DNAH7: variants seen among roughly 807,000 people sequenced by gnomAD.
DNAH7 encodes the protein axonemal beta dynein heavy chain 7.
DNAH7 carries 397 observed loss-of-function variants against 444.6 expected under a neutral mutation model. The observed-to-expected ratio is 0.89, with a 90% CI of 0.82 to 0.97. DNAH7 has a LOEUF of 0.97. DNAH7 is among the 50% of genes least tolerant of loss of function. The pLI is 0.00. For missense variants in DNAH7, 4,902 were observed against 4,800.8 expected (o/e 1.02, Z -0.62); for synonymous variants, 1,636 against 1,624.4 (o/e 1.01, Z -0.17).
At chr2:195,922,222 G>T (rs1688068046) in intron 23 of DNAH7, 25 bp from the exon 24 acceptor site, 1 of 1,346,554 alleles carries the variant, frequency 7.4e-7, no homozygotes, top group Admixed American at 1.7e-5. Context: ...ATAAAATGAA[G>T]TTAAACAATA....
chr2:195,855,828 C>T lies in DNAH7; in HGVS notation c.8578G>A (p.Ala2860Thr). The change falls in exon 45 of 65, where the codon GCT (alanine) becomes ACT (threonine). Residue 2860 changes from alanine to threonine, a missense_variant. Coordinates refer to ENST00000312428, the MANE Select transcript of DNAH7 (RefSeq NM_018897.3). ...GCACACACCTGGTTTTCCAGGTCAG[C>T]CTTCTTTTGTTTATTTAATTCAAGT... is the stretch of plus-strand genomic sequence containing the variant. The part of the protein sequence containing the change: ...DTLELNKQKK[A>T]DLENQVDLCS... 1 of 1,613,294 alleles carries T rather than the reference C, an allele frequency of 6.2e-7. No homozygotes were observed. Among genetic ancestry groups the T allele is most frequent in the Non-Finnish European group, 8.5e-7 (1 of 1,179,670 alleles).
At chr2:195,831,106 GTT>G (rs141782175) in intron 48 of DNAH7, among the ~76,000 whole-genome samples, 2 of 148,156 alleles carry the variant, frequency 1.3e-5, no homozygotes, top group African/African-American at 5.0e-5. Context: ...TTGATACAAA[GTT>G]TTTTTTTTAT....
intron 46 of DNAH7, among the ~76,000 whole-genome samples, chr2:195,846,659 C>T (rs1293672593): frequency 6.6e-6 from 1 of 152,142 alleles, no homozygotes; most frequent in African/African-American, 2.4e-5. Flanking sequence ...ACATTTGAGT[C>T]AGTCAGCTGG....
intron 7 of DNAH7, 75 bp downstream of exon 7, chr2:196,026,685 G>T: frequency 2.0e-6 from 2 of 998,012 alleles, no homozygotes; most frequent in East Asian, 2.6e-5. Flanking sequence ...TTCAAGTATA[G>T]GTATTATTAA....
At chr2:195,781,618 A>C (rs1695379869) in intron 58 of DNAH7, among the ~76,000 whole-genome samples, 1 of 152,182 alleles carries the variant, frequency 6.6e-6, no homozygotes, top group South Asian at 2.1e-4. Flanking sequence ...CTTGAAGTCA[A>C]CAACTAGTAT....
intron 6 of DNAH7, 132 bp downstream of exon 6, chr2:196,027,828 A>G (rs1400167070): frequency 1.4e-6 from 1 of 696,852 alleles, no homozygotes; most frequent in Non-Finnish European, 2.2e-6. Flanking sequence ...GCCTTTTTAT[A>G]GAACTCTGTA....
intron 40 of DNAH7, among the ~76,000 whole-genome samples, chr2:195,867,893 AT>A (rs1269877520): frequency 1.3e-5 from 2 of 152,132 alleles, no homozygotes; most frequent in Non-Finnish European, 2.9e-5. Context: ...AATAATATTC[AT>A]GTACAAGTTT....
rs67782183 is a variant in DNAH7, at chr2:195,950,851, C to CAAAAAAAAAAAAAAAA, written c.3078+6394_3078+6409dup. Reference sequence around the variant, plus strand: ...TAGGCAACAGAGTGGGACTCTGTCTCAAAAAAAAAAAAAAAAAAAAAAAAA... The same window carrying CAAAAAAAAAAAAAAAA: ...TAGGCAACAGAGTGGGACTCTGTCTCAAAAAAAAAAAAAAAAAAAAAAAAAAAAAAAAAAAAAAAAA... On this transcript the variant is annotated intron_variant, in intron 19 of 64. Transcript: ENST00000312428. Among the ~76,000 whole-genome samples the CAAAAAAAAAAAAAAAA allele has an allele frequency of 4.6e-4, 17 of 36,716 alleles. 2 individuals are homozygous for CAAAAAAAAAAAAAAAA. The highest frequency in any genetic ancestry group is 2.8e-3 in the East Asian group (2 of 710). 24.1% of individuals were successfully genotyped at this position (36,716 alleles called of 152,430 possible).
At chr2:195,907,954 T>C (rs1249601632) in intron 25 of DNAH7, among the ~76,000 whole-genome samples, 1 of 152,080 alleles carries the variant, frequency 6.6e-6, no homozygotes, top group Non-Finnish European at 1.5e-5. Flanking sequence ...CAAGCAGTTA[T>C]ATACATTTTG....
chr2:195,883,283 T>G (rs965532693), intron 35 of DNAH7, among the ~76,000 whole-genome samples: 10 of 152,098 alleles, frequency 6.6e-5, no homozygotes, highest in African/African-American at 2.4e-4. Flanking sequence ...CCGTCTCTAC[T>G]AAAAATACAA....
chr2:195,846,851 T>C (rs1345022171), intron 46 of DNAH7, among the ~76,000 whole-genome samples: 1 of 152,066 alleles, frequency 6.6e-6, no homozygotes, highest in African/African-American at 2.4e-5. Context: ...TCTTCAGCTT[T>C]GGAACTCAGA....
In DNAH7 at chr2:195,995,671, G is replaced by A. The variant is rs1326682669; in HGVS notation, c.1353+5033C>T. ...AAGGCGGGCACCAGTGGGGGACTAG[G>A]GAGAGAAGATAAAGGGTGGTGGTGC... On this transcript the variant is annotated intron_variant, in intron 12 of 64. Transcript: ENST00000312428. 3.3e-5 allele frequency: 7 copies of A among 212,438 alleles called. No individual in the cohort carries two copies. The South Asian group carries it at 3.5e-4, about 11-fold the overall frequency. The allele number at this position is 212,438 out of a possible 1,614,324, so 13.2% of individuals were successfully genotyped here. A position where few individuals can be genotyped will look rare whatever the true frequency, so the allele number is the denominator to read the frequency against.
At chr2:195,970,821 T>C (rs912133676) in intron 16 of DNAH7, among the ~76,000 whole-genome samples, 2 of 152,220 alleles carry the variant, frequency 1.3e-5, no homozygotes, top group African/African-American at 4.8e-5. Context: ...ATAGATTATC[T>C]AGGCTGATTT....
intron 36 of DNAH7, 22 bp from the exon 37 acceptor site, chr2:195,876,721 T>C (rs768751420): frequency 9.5e-6 from 14 of 1,478,802 alleles, no homozygotes; most frequent in Non-Finnish European, 1.2e-5. Context: ...AATAATAAAA[T>C]GAGCCATAGT....
chr2:195,961,096 A>T (rs1248257699), intron 17 of DNAH7, 151 bp from the exon 18 acceptor site: 1 of 562,128 alleles, frequency 1.8e-6, no homozygotes, highest in Non-Finnish European at 2.8e-6. Flanking sequence ...ACAGAGCAGT[A>T]ATCTCATTTT....
At chr2:195,839,388 C>A (rs1359821819) in intron 47 of DNAH7, among the ~76,000 whole-genome samples, 3 of 151,548 alleles carry the variant, frequency 2.0e-5, no homozygotes, top group African/African-American at 7.3e-5. Context: ...TAATGTGAAA[C>A]ATATAGCATT....
At position 195,900,360 on chromosome 2, in the gene DNAH7, C is replaced by T; in HGVS notation, c.4470G>A (p.Glu1490=). The T allele has an allele frequency of 6.2e-7, 1 of 1,614,062 alleles. No homozygotes were observed. The highest frequency in any genetic ancestry group is 1.3e-5 in the African/African-American group (1 of 75,030). The change falls in exon 28 of 65, where the codon GAG becomes GAA. Residue 1490 remains glutamate (E), a synonymous_variant. Transcript: ENST00000312428. ...CGTAGTGATGTTGAGATGACAGCTG[C>T]TCTGAACACAAGCGATACGTAGCCA... is the stretch of plus-strand genomic sequence containing the variant. ...KIVATYRLCS[E]QLSSQHHYDY...
chr2:195,909,000 G>A (rs574373371), intron 25 of DNAH7, among the ~76,000 whole-genome samples: 20 of 152,016 alleles, frequency 1.3e-4, no homozygotes, highest in Non-Finnish European at 2.5e-4. Context: ...ATTTGGAAAC[G>A]TAAACATTCT....
intron 58 of DNAH7, among the ~76,000 whole-genome samples, chr2:195,783,601 C>T (rs1695487903): frequency 6.6e-6 from 1 of 152,162 alleles, no homozygotes; most frequent in South Asian, 2.1e-4. Flanking sequence ...CCCACATGAC[C>T]ACATTTTAAC....
Sources: allele counts gnomAD v4.1 joint callset (sites outside exome capture counted in the v4.1 genomes callset), GRCh38; gene constraint gnomAD v4.1.1; transcripts MANE v1.5; gene names NCBI Gene and HGNC (gene_info 2026-07-23, HGNC 2026-07-21).